The following CSN3 variants were observed in gnomAD, a reference collection of about 807,000 sequenced individuals.
The protein encoded by CSN3 is casein kappa.
CSN3 carries 7 observed loss-of-function variants against 9.9 expected under a neutral mutation model. That is an observed-to-expected ratio of 0.71 (90% confidence interval 0.40 to 1.33). The LOEUF is 1.33. CSN3 is among the 40% of genes most tolerant of loss of function. CSN3 has a pLI of 0.01. For synonymous variants in CSN3, 88 were observed against 82.3 expected (o/e 1.07, Z -0.37); for missense variants, 253 against 227.9 (o/e 1.11, Z -0.71).
At chr4:70,250,386 A>G (rs1730459110) in intron 4 of CSN3, among the ~76,000 whole-genome samples, 1 of 152,166 alleles carries the variant, frequency 6.6e-6, no homozygotes, top group South Asian at 2.1e-4. Flanking sequence ...ATTAGCCCAG[A>G]AAAGGTTGCT....
At chr4:70,247,664 C>T (rs1327007023) in intron 2 of CSN3, among the ~76,000 whole-genome samples, 154 bp from the exon 3 acceptor site, 1 of 151,672 alleles carries the variant, frequency 6.6e-6, no homozygotes, top group Non-Finnish European at 1.5e-5. Context: ...TTAAGTAGTC[C>T]ATAGGCCTCA....
chr4:70,248,165 C>G (rs906824617), intron 3 of CSN3, among the ~76,000 whole-genome samples: 3 of 152,108 alleles, frequency 2.0e-5, no homozygotes, highest in African/African-American at 7.2e-5. Context: ...CTTAATATTT[C>G]CCCTTTCCAC....
At chr4:70,247,777 T>G (rs1469407324) in intron 2 of CSN3, 41 bp from the exon 3 acceptor site, 2 of 1,545,050 alleles carry the variant, frequency 1.3e-6, no homozygotes, top group Admixed American at 4.0e-5. Flanking sequence ...TTTTTCTTTT[T>G]TAACTTATTT....
chr4:70,249,277 A>G (rs1730438676), exon 4 of CSN3: 1 of 1,614,048 alleles, frequency 6.2e-7, no homozygotes, highest in Non-Finnish European at 8.5e-7. Flanking sequence ...CATCCCCCCA[A>G]AGAAAATTCA....
chr4:70,243,288 T>C (rs1730308047), intron 1 of CSN3: 1 of 325,272 alleles, frequency 3.1e-6, no homozygotes, highest in African/African-American at 2.3e-5. Flanking sequence ...TTTTACTGTG[T>C]GAACTGATAA....
At chr4:70,248,882 CT>C (rs574926338) in intron 3 of CSN3, 115 bp from the exon 4 acceptor site, 341 of 654,412 alleles carry the variant, frequency 5.2e-4, no homozygotes, top group Non-Finnish European at 7.2e-4. Flanking sequence ...GGGTTCCATA[CT>C]TCTAATATCT....
chr4:70,250,661 C>A (rs2109700581), intron 4 of CSN3, among the ~76,000 whole-genome samples: 1 of 152,158 alleles, frequency 6.6e-6, no homozygotes, highest in East Asian at 1.9e-4. Context: ...GATATTATTC[C>A]TATCTCAAAT....
At chr4:70,244,523 A>G (rs1005094883) in intron 1 of CSN3, among the ~76,000 whole-genome samples, 15 of 151,988 alleles carry the variant, frequency 9.9e-5, no homozygotes, top group Admixed American at 9.9e-4. Flanking sequence ...CCTAAAATTG[A>G]TGCTACTCAT....
intron 3 of CSN3, among the ~76,000 whole-genome samples, chr4:70,248,252 G>A (rs1013351469): frequency 2.0e-5 from 3 of 151,688 alleles, no homozygotes; most frequent in South Asian, 2.1e-4. Flanking sequence ...TTCCCCTTTC[G>A]TTTCCCAAAT....
chr4:70,250,301 T>C (rs112975909), intron 4 of CSN3, among the ~76,000 whole-genome samples: 2,518 of 120,198 alleles, frequency 0.021, 73 homozygotes, highest in African/African-American at 0.062. Context: ...CAACAAATAT[T>C]TTCAGTCCAT....
At chr4:70,242,278 T>TTTTTATTTTA (rs200342051), upstream of CSN3, among the ~76,000 whole-genome samples, 1 of 134,448 alleles carries the variant, frequency 7.4e-6, no homozygotes, top group African/African-American at 2.6e-5. Flanking sequence ...CTGCATTTCT[T>TTTTTATTTTA]TTTTATTTTA....
chr4:70,244,854 C>T (rs549252375), exon 2 of CSN3: 3 of 1,567,770 alleles, frequency 1.9e-6, no homozygotes, highest in South Asian at 1.3e-5. Flanking sequence ...AATGCCCTGG[C>T]ATTAACCCTG....
chr4:70,250,649 C>A (rs1171723303), intron 4 of CSN3, among the ~76,000 whole-genome samples: 1 of 152,020 alleles, frequency 6.6e-6, no homozygotes, highest in Non-Finnish European at 1.5e-5. Context: ...CCATATGAAA[C>A]AGATATTATT....
chr4:70,247,645 T>C (rs978291572), intron 2 of CSN3, among the ~76,000 whole-genome samples, 173 bp from the exon 3 acceptor site: 16 of 152,164 alleles, frequency 1.1e-4, no homozygotes, highest in Non-Finnish European at 1.9e-4. Context: ...GTTAGACTAC[T>C]GTTGCTTCTT....
chr4:70,243,672 A>G (rs1730315876), intron 1 of CSN3, among the ~76,000 whole-genome samples: 1 of 152,102 alleles, frequency 6.6e-6, no homozygotes, highest in South Asian at 2.1e-4. Flanking sequence ...GAAGTTAGTA[A>G]TTACTTCCTA....
upstream of CSN3, among the ~76,000 whole-genome samples, chr4:70,241,034 G>A (rs866176297): frequency 4.6e-5 from 7 of 151,986 alleles, no homozygotes; most frequent in Middle Eastern, 3.4e-3. Flanking sequence ...AGTGTTCTGA[G>A]TCTCTGCTAC....
chr4:70,244,334 A>G (rs1341633638), intron 1 of CSN3, among the ~76,000 whole-genome samples: 3 of 152,060 alleles, frequency 2.0e-5, no homozygotes, highest in Admixed American at 2.0e-4. Flanking sequence ...CCTCTACTTG[A>G]AATATTTCTC....
exon 4 of CSN3, chr4:70,249,274 C>T (rs767703318): frequency 1.2e-6 from 2 of 1,613,986 alleles, no homozygotes; most frequent in African/African-American, 2.7e-5. Context: ...TGCCATCCCC[C>T]CAAAGAAAAT....
chr4:70,247,502 T>C (rs551063728), intron 2 of CSN3, among the ~76,000 whole-genome samples: 2 of 152,172 alleles, frequency 1.3e-5, no homozygotes, highest in South Asian at 2.1e-4. Flanking sequence ...AAATAGAAAT[T>C]ATTCATATTT....
Sources: gnomAD v4.1 joint callset for allele counts (sites outside exome capture counted in the v4.1 genomes callset) on GRCh38, gnomAD v4.1.1 for gene constraint, MANE v1.5 for transcripts, NCBI Gene and HGNC (gene_info 2026-07-23, HGNC 2026-07-21) for gene names.